MIS18A: variants seen among roughly 807,000 people sequenced by gnomAD.
The protein encoded by MIS18A is MIS18 kinetochore protein A, also known as protein Mis18-alpha.
A neutral mutation model predicts 25.0 loss-of-function variants in MIS18A; 14 were observed. The observed-to-expected ratio is 0.56, with a 90% confidence interval of 0.37 to 0.88. MIS18A has a LOEUF of 0.88. Ranked by LOEUF, MIS18A falls within the 40% of genes least tolerant of loss-of-function variation. MIS18A has a pLI of 0.00. For synonymous variants in MIS18A, 134 were observed against 118.6 expected, an observed-to-expected ratio of 1.13 and a Z score of -0.84; for missense variants, 292 against 290.8, an observed-to-expected ratio of 1.00 and a Z score of -0.03.
the MIS18A span, among the ~76,000 whole-genome samples, chr21:32,166,973 G>A: frequency 3.3e-5 from 5 of 152,238 alleles, no homozygotes; most frequent in East Asian, 3.9e-4. Context: ...TGATGGGCTC[G>A]AGAGTAATTC....
intron 2 of MIS18A, among the ~76,000 whole-genome samples, chr21:32,274,289 C>A (rs2031769221): frequency 6.8e-6 from 1 of 147,710 alleles, no homozygotes; most frequent in Non-Finnish European, 1.5e-5. Context: ...ACTGCAACCT[C>A]CACCTCCGTA....
At chr21:32,212,472 C>A in the MIS18A span, among the ~76,000 whole-genome samples, 1 of 151,870 alleles carries the variant, frequency 6.6e-6, no homozygotes, top group Non-Finnish European at 1.5e-5. Context: ...CAGACTCTCA[C>A]ACCTGCACCT....
At chr21:32,203,819 A>G in the MIS18A span, among the ~76,000 whole-genome samples, 1 of 151,858 alleles carries the variant, frequency 6.6e-6, no homozygotes, top group African/African-American at 2.4e-5. Flanking sequence ...AGGTTTCACT[A>G]TGTTGCCCAG....
At chr21:32,160,692 C>T in the MIS18A span, among the ~76,000 whole-genome samples, 4 of 150,936 alleles carry the variant, frequency 2.7e-5, no homozygotes, top group Non-Finnish European at 4.4e-5. Context: ...AGTGCAATGG[C>T]GTGATCTCAG....
chr21:32,241,850 T>C, the MIS18A span, among the ~76,000 whole-genome samples: 1 of 152,134 alleles, frequency 6.6e-6, no homozygotes, highest in Non-Finnish European at 1.5e-5. Context: ...CTCTTGACAA[T>C]TTCATACCAG....
At chr21:32,157,599 T>C in the MIS18A span, among the ~76,000 whole-genome samples, 1 of 152,164 alleles carries the variant, frequency 6.6e-6, no homozygotes, top group East Asian at 1.9e-4. Flanking sequence ...TTCCTTTACA[T>C]GACACCCTTT....
At chr21:32,201,356 C>A in the MIS18A span, among the ~76,000 whole-genome samples, 1 of 152,052 alleles carries the variant, frequency 6.6e-6, no homozygotes, top group African/African-American at 2.4e-5. Context: ...AGTCTGTTTA[C>A]AGACTGGTGG....
At chr21:32,210,545 G>A in the MIS18A span, among the ~76,000 whole-genome samples, 1 of 152,128 alleles carries the variant, frequency 6.6e-6, no homozygotes, top group East Asian at 1.9e-4. Flanking sequence ...GTATTTTAAT[G>A]TGCCTCCTCC....
At chr21:32,179,672 A>G in the MIS18A span, among the ~76,000 whole-genome samples, 6 of 152,376 alleles carry the variant, frequency 3.9e-5, no homozygotes, top group South Asian at 1.0e-3. Context: ...TTCTCTCCAG[A>G]CATCAATATC....
At chr21:32,263,596 G>T (rs2031544734), downstream of MIS18A, among the ~76,000 whole-genome samples, 1 of 152,054 alleles carries the variant, frequency 6.6e-6, no homozygotes, top group South Asian at 2.1e-4. Flanking sequence ...GTGAGACTTT[G>T]TCCCAAAATA....
At chr21:32,245,739 G>A in the MIS18A span, among the ~76,000 whole-genome samples, 1 of 152,214 alleles carries the variant, frequency 6.6e-6, no homozygotes, top group African/African-American at 2.4e-5. Flanking sequence ...GTAAGTGGCA[G>A]TTTTGTGGGA....
chr21:32,203,403 C>T, the MIS18A span, among the ~76,000 whole-genome samples: 1 of 150,784 alleles, frequency 6.6e-6, no homozygotes, highest in African/African-American at 2.4e-5. Context: ...AAAGATATTA[C>T]AGTTTTTAGA....
At chr21:32,166,120 C>A in the MIS18A span, among the ~76,000 whole-genome samples, 1 of 152,242 alleles carries the variant, frequency 6.6e-6, no homozygotes, top group East Asian at 1.9e-4. Flanking sequence ...ACAAAAGAGA[C>A]GCACAGGACA....
chr21:32,221,662 G>A, the MIS18A span, among the ~76,000 whole-genome samples: 2 of 150,638 alleles, frequency 1.3e-5, no homozygotes, highest in South Asian at 2.1e-4. Context: ...GGTGGATCAC[G>A]AGGTCAGGAG....
the MIS18A span, among the ~76,000 whole-genome samples, chr21:32,161,757 GC>G: frequency 0.014 from 2,101 of 150,384 alleles, 48 homozygotes; most frequent in African/African-American, 0.049. Context: ...CTCCCAAAGT[GC>G]TGGGATTACA....
At chr21:32,207,377 G>C in the MIS18A span, among the ~76,000 whole-genome samples, 1 of 152,164 alleles carries the variant, frequency 6.6e-6, no homozygotes, top group African/African-American at 2.4e-5. Flanking sequence ...TACATAAGTC[G>C]TTGGGAAATG....
the MIS18A span, among the ~76,000 whole-genome samples, chr21:32,238,156 C>T: frequency 1.2e-3 from 178 of 152,330 alleles, 1 homozygote; most frequent in East Asian, 0.031. Flanking sequence ...TCATAGATTT[C>T]ACCCAACCCC....
chr21:32,188,211 C>T, the MIS18A span, among the ~76,000 whole-genome samples: 1 of 152,220 alleles, frequency 6.6e-6, no homozygotes, highest in Admixed American at 6.5e-5. Flanking sequence ...ATTGGCAGCC[C>T]AAGCTGACGA....
the MIS18A span, among the ~76,000 whole-genome samples, chr21:32,211,993 G>A: frequency 6.6e-6 from 1 of 152,104 alleles, no homozygotes; most frequent in African/African-American, 2.4e-5. Flanking sequence ...ATGCATTTGA[G>A]GGACTACATG....
Sources: gnomAD v4.1 joint callset for allele counts (sites outside exome capture counted in the v4.1 genomes callset) on GRCh38, gnomAD v4.1.1 for gene constraint, MANE v1.5 for transcripts, NCBI Gene and HGNC (gene_info 2026-07-23, HGNC 2026-07-21) for gene names.